The following MYO5A variants were observed in gnomAD, a reference collection of about 807,000 sequenced individuals.
The protein encoded by MYO5A is unconventional myosin-Va.
MYO5A carries 98 observed loss-of-function variants against 249.7 expected under a neutral mutation model. The ratio of observed to expected loss-of-function variants is 0.39; its 90% CI spans 0.33 to 0.46. The LOEUF (loss-of-function observed/expected upper bound fraction) is 0.46. MYO5A is among the 20% of genes least tolerant of loss of function. The pLI, the probability that MYO5A is intolerant of heterozygous loss-of-function variation, is 0.98. For missense variants in MYO5A, 1,696 were observed against 2,308.8 expected, an observed-to-expected ratio of 0.73 and a Z score of 5.44; for synonymous variants, 778 against 810.6, an observed-to-expected ratio of 0.96 and a Z score of 0.68.
intron 4 of MYO5A, among the ~76,000 whole-genome samples, chr15:52,423,278 C>T (rs913307496): frequency 3.3e-5 from 5 of 152,066 alleles, no homozygotes; most frequent in African/African-American, 9.7e-5. Flanking sequence ...GCTGGCTGGG[C>T]GTGGTGGCTC....
At chr15:52,474,820 T>C (rs1334367463) in intron 1 of MYO5A, among the ~76,000 whole-genome samples, 1 of 152,126 alleles carries the variant, frequency 6.6e-6, no homozygotes, top group East Asian at 1.9e-4. Flanking sequence ...TTTGCATCGA[T>C]GTTCATCAGG....
intron 36 of MYO5A, chr15:52,323,804 G>A (rs183320272): frequency 1.2e-4 from 37 of 298,286 alleles, no homozygotes; most frequent in African/African-American, 7.2e-4. Flanking sequence ...AGGAGTTGGA[G>A]ACCAGCCTGG....
At chr15:52,425,154 C>T (rs1382509100) in intron 4 of MYO5A, among the ~76,000 whole-genome samples, 1 of 152,158 alleles carries the variant, frequency 6.6e-6, no homozygotes, top group Non-Finnish European at 1.5e-5. Context: ...ATTTTTTTTA[C>T]AGCTCCTAGG....
In MYO5A at chr15:52,473,349, G is replaced by A. The variant is rs1349216349; in HGVS notation, c.28-40064C>T. Among the ~76,000 whole-genome samples, 10 of 152,290 alleles carry A rather than the reference G, an allele frequency of 6.6e-5. No homozygotes were observed. In the East Asian group the frequency reaches 1.9e-3, roughly 29 times the overall value. On this transcript the variant is annotated intron_variant, in intron 1 of 41. Coordinates refer to ENST00000399233, the MANE Select transcript of MYO5A (RefSeq NM_001382347.1). ...TTTTCTCCCATTCTGTAGGTTGCCT[G>A]TTCACTCTGATAGTAGTTTCTTTTG...
In MYO5A at chr15:52,307,320, T is replaced by C. The variant is rs1272918287; in HGVS notation, c.*6376A>G. 3 of 151,756 alleles carry C rather than the reference T, an allele frequency of 2.0e-5. No individual in the cohort carries two copies. The highest frequency in any genetic ancestry group is 4.4e-5 in the Non-Finnish European group (3 of 67,862). The allele number at this position is 151,756 out of a possible 1,614,324, so 9.4% of individuals were successfully genotyped here. A position where few individuals can be genotyped will look rare whatever the true frequency, so the allele number is the denominator to read the frequency against. ...TCTTTATTTAAACAAGTTTCCATAA[T>C]AGCTAGGAGAATACAGCATTAATGA... On this transcript the variant is annotated 3_prime_UTR_variant, in exon 42 of 42. Transcript: ENST00000399233.
At chr15:52,409,896 C>T (rs762393372) in intron 6 of MYO5A, among the ~76,000 whole-genome samples, 2 of 151,818 alleles carry the variant, frequency 1.3e-5, no homozygotes, top group Non-Finnish European at 2.9e-5. Context: ...TTTTTTTAAC[C>T]CTCACTATTC....
At chr15:52,423,028 T>C (rs1386876694) in intron 4 of MYO5A, among the ~76,000 whole-genome samples, 1 of 152,132 alleles carries the variant, frequency 6.6e-6, no homozygotes, top group African/African-American at 2.4e-5. Context: ...CAGCTAATAG[T>C]TTTATTGTTA....
intron 32 of MYO5A, among the ~76,000 whole-genome samples, chr15:52,339,675 A>G (rs1006549851): frequency 2.0e-5 from 3 of 152,306 alleles, no homozygotes; most frequent in Non-Finnish European, 2.9e-5. Flanking sequence ...GAATCCTAAC[A>G]CACACCTCCC....
At chr15:52,445,728 C>T (rs1263421787) in intron 1 of MYO5A, among the ~76,000 whole-genome samples, 1 of 152,178 alleles carries the variant, frequency 6.6e-6, no homozygotes, top group Non-Finnish European at 1.5e-5. Flanking sequence ...GGAACTGGAG[C>T]AAAGGTCACG....
rs1255430508 is a variant in MYO5A at position 52,307,534 on chromosome 15, G to C, written c.*6162C>G. On this transcript the variant is annotated 3_prime_UTR_variant, in exon 42 of 42. Transcript: ENST00000399233. Reference sequence around the variant, plus strand: ...ATTGCACGTGAGATATGCTAGAATGGGTTCTAGAGTCTAGAGTTAGTTGAT... The same window carrying C: ...ATTGCACGTGAGATATGCTAGAATGCGTTCTAGAGTCTAGAGTTAGTTGAT... 6.6e-6 allele frequency: 1 copy of C among 152,040 alleles called. No individual in the cohort carries two copies. 9.4% of individuals were successfully genotyped at this position (152,040 alleles called of 1,614,324 possible).
Position 52,397,326 on chromosome 15 carries a change from A to G in MYO5A, c.1194T>C (p.Asn398=), listed in dbSNP as rs2042532335. ...IKPISKLQAT[N]ARDALAKHIY... is the part of the protein sequence containing the mutation. ...TGTGCTTGGCCAAAGCATCGCGGGC[A>G]TTCGTGGCCTGCAGCTTGGAGATGG... The change falls in exon 10 of 42, where the codon AAT becomes AAC. Residue 398 remains asparagine, a synonymous_variant. Coordinates refer to ENST00000399233, the MANE Select transcript of MYO5A (RefSeq NM_001382347.1). 6.2e-7 allele frequency: 1 copy of G among 1,614,138 alleles called. No homozygotes were observed. The highest frequency in any genetic ancestry group is 8.5e-7 in the Non-Finnish European group (1 of 1,180,004).
intron 1 of MYO5A, among the ~76,000 whole-genome samples, chr15:52,522,159 C>G (rs962361233): frequency 3.3e-5 from 5 of 152,116 alleles, no homozygotes; most frequent in Non-Finnish European, 7.4e-5. Flanking sequence ...CCCTAATGAG[C>G]AAGCATAACT....
At position 52,483,932 on chromosome 15, in the gene MYO5A, C is replaced by T. The variant is rs116453541; in HGVS notation, c.27+44848G>A. ...TTGCTTCTGGCAGTGCCAATCCCTT[C>T]CTAAAGCAACTGCAAGCCGTCCACC... On this transcript the variant is annotated intron_variant, in intron 1 of 41. Coordinates refer to ENST00000399233, the MANE Select transcript of MYO5A (RefSeq NM_001382347.1). Among the ~76,000 whole-genome samples the T allele has an allele frequency of 4.9e-3, 747 of 152,282 alleles. 7 individuals carry two copies. Among genetic ancestry groups the T allele is most frequent in the African/African-American group, 0.017 (714 of 41,560 alleles).
At chr15:52,352,967 A>G (rs1160283742) in intron 27 of MYO5A, among the ~76,000 whole-genome samples, 2 of 152,196 alleles carry the variant, frequency 1.3e-5, no homozygotes, top group Non-Finnish European at 2.9e-5. Flanking sequence ...AACAGAAGAC[A>G]CATAAATGTC....
rs577744538 is a variant in MYO5A at position 52,365,500 on chromosome 15, T to A, written c.3161-798A>T. On this transcript the variant is annotated intron_variant, in intron 23 of 41. Coordinates refer to ENST00000399233, the MANE Select transcript of MYO5A (RefSeq NM_001382347.1). ...AACTCAATCAGCCAACCAGTCACAT[T>A]TATAATATTAAGCTTCTACCACTTT... 2.7e-3 allele frequency among the ~76,000 whole-genome samples: 413 copies of A among 152,302 alleles called. 3 individuals carry two copies. Among genetic ancestry groups the A allele is most frequent in the Non-Finnish European group, 4.2e-3 (288 of 68,028 alleles).
At chr15:52,318,952 AC>A in intron 39 of MYO5A, 107 bp downstream of exon 39, 1 of 1,394,768 alleles carries the variant, frequency 7.2e-7, no homozygotes, top group Non-Finnish European at 9.9e-7. Context: ...GCCACATGGC[AC>A]CAGACATGAG....
At chr15:52,328,484 C>A (rs542948160) in intron 35 of MYO5A, among the ~76,000 whole-genome samples, 38 of 152,258 alleles carry the variant, frequency 2.5e-4, no homozygotes, top group Middle Eastern at 6.8e-3. Flanking sequence ...GCTCTATCTA[C>A]AAAATACATC....
chr15:52,450,233 G>A (rs1031319854), intron 1 of MYO5A, among the ~76,000 whole-genome samples: 3 of 152,100 alleles, frequency 2.0e-5, no homozygotes, highest in South Asian at 2.1e-4. Context: ...TGCCTACAAT[G>A]AGGGTAATAA....
intron 3 of MYO5A, among the ~76,000 whole-genome samples, chr15:52,427,454 G>A (rs1484632634): frequency 6.6e-6 from 1 of 152,042 alleles, no homozygotes; most frequent in Non-Finnish European, 1.5e-5. Flanking sequence ...CAGTAAGGAG[G>A]GGTTTCTGAC....
Sources: allele counts gnomAD v4.1 joint callset (sites outside exome capture counted in the v4.1 genomes callset), GRCh38; gene constraint gnomAD v4.1.1; transcripts MANE v1.5; gene names NCBI Gene and HGNC (gene_info 2026-07-23, HGNC 2026-07-21).